SERPINB12: variants seen among roughly 807,000 people sequenced by gnomAD.
The protein encoded by SERPINB12 is serpin family B member 12.
A neutral mutation model predicts 41.1 loss-of-function variants in SERPINB12; 57 were observed. The observed-to-expected ratio is 1.39, with a 90% CI of 1.12 to 1.73. SERPINB12 has a LOEUF of 1.73. SERPINB12 is among the 40% of genes most tolerant of loss of function. SERPINB12 has a pLI of 0.00. For missense variants in SERPINB12, 536 were observed against 501.9 expected (o/e 1.07, Z -0.65); for synonymous variants, 180 against 181.3 (o/e 0.99, Z 0.06).
At chr18:63,527,776 T>C in the SERPINB12 span, among the ~76,000 whole-genome samples, 2,481 of 152,266 alleles carry the variant, frequency 0.016, 60 homozygotes, top group African/African-American at 0.057. Context: ...TTCACAAACA[T>C]AGAATTAAAA....
At chr18:63,554,324 G>C (rs965590927) in intron 1 of SERPINB12, among the ~76,000 whole-genome samples, 1 of 152,150 alleles carries the variant, frequency 6.6e-6, no homozygotes, top group Non-Finnish European at 1.5e-5. Flanking sequence ...CAGAGTTGTA[G>C]GATTAAAGCT....
chr18:63,528,163 C>G, the SERPINB12 span, among the ~76,000 whole-genome samples: 3 of 151,916 alleles, frequency 2.0e-5, no homozygotes. Flanking sequence ...TAAAAATGGA[C>G]TAATACAGTA....
intron 4 of SERPINB12, 124 bp from the exon 5 acceptor site, chr18:63,560,961 C>T: frequency 1.4e-6 from 1 of 692,292 alleles, no homozygotes; most frequent in Non-Finnish European, 2.6e-6. Flanking sequence ...TCAGGCCTGT[C>T]CATGAAATGT....
chr18:63,543,948 T>C (rs1287932101), intron 1 of SERPINB12, among the ~76,000 whole-genome samples: 1 of 152,176 alleles, frequency 6.6e-6, no homozygotes, highest in Non-Finnish European at 1.5e-5. Flanking sequence ...AGAAAATATG[T>C]TTCTTGTTAG....
intron 1 of SERPINB12, among the ~76,000 whole-genome samples, chr18:63,555,776 G>A (rs924765072): frequency 1.3e-5 from 2 of 152,102 alleles, no homozygotes; most frequent in East Asian, 3.9e-4. Context: ...TGAGAGAGAG[G>A]CATGAAACAG....
intron 1 of SERPINB12, among the ~76,000 whole-genome samples, chr18:63,550,277 C>T (rs1401692650): frequency 6.6e-6 from 1 of 152,182 alleles, no homozygotes; most frequent in Non-Finnish European, 1.5e-5. Context: ...CTCAATCAAA[C>T]AATAACTTCT....
the SERPINB12 span, among the ~76,000 whole-genome samples, chr18:63,528,080 T>C: frequency 0.034 from 5,169 of 152,196 alleles, 309 homozygotes; most frequent in African/African-American, 0.12. Context: ...CCCAGCCACA[T>C]GGAATTTTAA....
Position 63,561,076 on chromosome 18 carries a change from A to G in SERPINB12, c.445-9A>G, listed in dbSNP as rs778062857. The G allele has an allele frequency of 5.2e-6, 8 of 1,543,374 alleles. No homozygotes were observed. Among genetic ancestry groups the G allele is most frequent in the African/African-American group, 2.7e-5 (2 of 73,344 alleles). ...ATTGCATTATTTCCCTTTTATTCCA[A>G]TGGAACAGGAATACTTAGATGGTGT... On this transcript the variant is annotated splice_polypyrimidine_tract_variant and intron_variant, in intron 4 of 7. Transcript: ENST00000382768.
At chr18:63,536,350 A>T in the SERPINB12 span, among the ~76,000 whole-genome samples, 1 of 152,096 alleles carries the variant, frequency 6.6e-6, no homozygotes, top group East Asian at 1.9e-4. Flanking sequence ...ACGAATCAAT[A>T]AGAAAATATA....
At chr18:63,520,505 C>A in the SERPINB12 span, among the ~76,000 whole-genome samples, 12 of 152,254 alleles carry the variant, frequency 7.9e-5, no homozygotes, top group East Asian at 2.3e-3. Context: ...AGGAGATTGT[C>A]CTTCATGCTG....
the SERPINB12 span, among the ~76,000 whole-genome samples, chr18:63,522,515 A>G: frequency 5.9e-5 from 9 of 152,336 alleles, no homozygotes; most frequent in Non-Finnish European, 1.0e-4. Context: ...AAACATTTAA[A>G]TAAAGAGCCA....
the SERPINB12 span, among the ~76,000 whole-genome samples, chr18:63,520,523 A>T: frequency 6.6e-6 from 1 of 152,252 alleles, no homozygotes; most frequent in Admixed American, 6.5e-5. Flanking sequence ...CTGGCTGAGG[A>T]GTCAACAGGT....
chr18:63,540,628 G>C (rs954213487), upstream of SERPINB12, among the ~76,000 whole-genome samples: 3 of 152,124 alleles, frequency 2.0e-5, no homozygotes, highest in Non-Finnish European at 4.4e-5. Context: ...AATTCAACAT[G>C]ATGCATTCAA....
chr18:63,536,168 A>G, the SERPINB12 span, among the ~76,000 whole-genome samples: 4 of 151,918 alleles, frequency 2.6e-5, no homozygotes, highest in East Asian at 7.7e-4. Flanking sequence ...AAGCAAAAAT[A>G]AAAAAGAAAC....
intron 2 of SERPINB12, 95 bp downstream of exon 2, chr18:63,556,422 T>C (rs1910681773): frequency 3.4e-6 from 4 of 1,180,674 alleles, no homozygotes; most frequent in Admixed American, 2.3e-5. Context: ...AAGGGGCTTA[T>C]TGCACCCTGG....
chr18:63,541,741 G>A (rs961294372), upstream of SERPINB12, among the ~76,000 whole-genome samples: 2 of 151,998 alleles, frequency 1.3e-5, no homozygotes, highest in African/African-American at 4.8e-5. Context: ...GAGGAGATGA[G>A]GAAGACAGAG....
chr18:63,556,071 A>G, intron 1 of SERPINB12, 71 bp from the exon 2 acceptor site: 1 of 1,136,090 alleles, frequency 8.8e-7, no homozygotes, highest in Non-Finnish European at 1.3e-6. Flanking sequence ...CAGGTATGTA[A>G]AATAAAATTG....
chr18:63,546,633 T>C (rs1910394286), intron 1 of SERPINB12, among the ~76,000 whole-genome samples: 1 of 152,228 alleles, frequency 6.6e-6, no homozygotes, highest in Non-Finnish European at 1.5e-5. Flanking sequence ...CATGGTCTTC[T>C]AGTATAGAAA....
chr18:63,561,905 G>C (rs1360199355), intron 5 of SERPINB12, among the ~76,000 whole-genome samples: 1 of 152,156 alleles, frequency 6.6e-6, no homozygotes, highest in Non-Finnish European at 1.5e-5. Flanking sequence ...GGGAGGGAGA[G>C]AGGAATGGGT....
Sources: allele counts gnomAD v4.1 joint callset (sites outside exome capture counted in the v4.1 genomes callset), GRCh38; gene constraint gnomAD v4.1.1; transcripts MANE v1.5; gene names NCBI Gene and HGNC (gene_info 2026-07-23, HGNC 2026-07-21).